Variants in NUP210L observed in about 807,000 individuals in gnomAD.
The protein encoded by NUP210L is nucleoporin 210 like.
NUP210L carries 74 observed loss-of-function variants against 208.5 expected under a neutral mutation model. The observed-to-expected ratio is 0.35, with a 90% CI of 0.29 to 0.43. NUP210L has a LOEUF of 0.43. Ranked by LOEUF, NUP210L falls within the 20% of genes least tolerant of loss-of-function variation. The pLI, the probability that NUP210L is intolerant of heterozygous loss-of-function variation, is 1.00. For missense variants in NUP210L, 1,843 were observed against 2,289.4 expected (o/e 0.81, Z 3.98); for synonymous variants, 780 against 816.9 (o/e 0.95, Z 0.77).
chr1:154,143,350 T>C (rs2148148010), intron 3 of NUP210L, 96 bp downstream of exon 3: 3 of 972,478 alleles, frequency 3.1e-6, no homozygotes, highest in Middle Eastern at 2.2e-4. Flanking sequence ...ACTTCTAATC[T>C]ACTTTTGCCA....
chr1:153,994,558 C>T (rs143244294), intron 38 of NUP210L, among the ~76,000 whole-genome samples: 7,079 of 151,694 alleles, frequency 0.047, 222 homozygotes, highest in Non-Finnish European at 0.074. Flanking sequence ...GTGACCCACC[C>T]GCCTTGGCCT....
intron 32 of NUP210L, among the ~76,000 whole-genome samples, chr1:154,021,851 A>G (rs1450771761): frequency 3.3e-5 from 5 of 152,214 alleles, no homozygotes; most frequent in Non-Finnish European, 4.4e-5. Context: ...ATTATCAGTA[A>G]CATTACAAAT....
intron 16 of NUP210L, among the ~76,000 whole-genome samples, chr1:154,076,102 C>CTTTTTTTT (rs60524355): frequency 8.5e-6 from 1 of 117,940 alleles, no homozygotes. Context: ...ACAAAGACTT[C>CTTTTTTTT]TTTTTTTTTT....
intron 19 of NUP210L, 60 bp downstream of exon 19, chr1:154,060,882 T>C: frequency 8.6e-7 from 1 of 1,165,720 alleles, no homozygotes; most frequent in Non-Finnish European, 1.3e-6. Context: ...GTTATGCTAT[T>C]AATTTTAATA....
At chr1:154,103,018 A>G (rs1656548052) in intron 13 of NUP210L, among the ~76,000 whole-genome samples, 2 of 151,824 alleles carry the variant, frequency 1.3e-5, no homozygotes, top group African/African-American at 2.4e-5. Context: ...CAAGGTTACA[A>G]TGTTCTATGA....
chr1:154,104,157 C>T (rs374898154), exon 13 of NUP210L: 42 of 1,613,854 alleles, frequency 2.6e-5, no homozygotes, highest in Non-Finnish European at 3.3e-5. Context: ...GGCCAATCTC[C>T]ACATCAGCAT....
At chr1:154,065,428 A>C (rs572565466) in intron 17 of NUP210L, among the ~76,000 whole-genome samples, 20 of 152,332 alleles carry the variant, frequency 1.3e-4, no homozygotes, top group Non-Finnish European at 1.5e-5. Context: ...CTCTAAAGAA[A>C]AAGAAATATA....
At chr1:154,016,733 C>G (rs1317780165) in intron 33 of NUP210L, among the ~76,000 whole-genome samples, 2 of 152,142 alleles carry the variant, frequency 1.3e-5, no homozygotes, top group African/African-American at 4.8e-5. Context: ...CACTTGGGCT[C>G]AGGAGTTCGA....
In NUP210L at chr1:154,012,498, C is replaced by T. The variant is rs1418186521; in HGVS notation, c.4654-128G>A. ...CACAAGTACAGATTCCATCTCATGA[C>T]CACATATTTGAGAACAACAAAATCT... On this transcript the variant is annotated intron_variant, in intron 33 of 39. Transcript: ENST00000368559. 10 of 838,172 alleles carry T rather than the reference C, an allele frequency of 1.2e-5. No homozygotes were observed. In the East Asian group the frequency reaches 2.3e-4, roughly 20 times the overall value. 51.9% of individuals were successfully genotyped at this position (838,172 alleles called of 1,614,324 possible).
chr1:154,086,033 G>A lies in NUP210L; in HGVS notation c.2361+3388C>T, dbSNP rs199762265. ...TTGAGACCAGCCTGGCCAATATGGT[G>A]AAACCCTGTCTCTACTAAAAATACA... On this transcript the variant is annotated intron_variant, in intron 16 of 39. Transcript: ENST00000368559. Among the ~76,000 whole-genome samples, 47 of 152,080 alleles carry A rather than the reference G, an allele frequency of 3.1e-4. 4 individuals are homozygous for A. The highest frequency in any genetic ancestry group is 2.3e-3 in the East Asian group (12 of 5,170).
chr1:154,103,318 C>T (rs1384529037), intron 13 of NUP210L, among the ~76,000 whole-genome samples: 3 of 151,570 alleles, frequency 2.0e-5, no homozygotes, highest in Non-Finnish European at 4.4e-5. Flanking sequence ...TGCTTGAACC[C>T]GGGAGGTGGA....
chr1:154,069,561 AG>A (rs1256046296), intron 17 of NUP210L, among the ~76,000 whole-genome samples: 2 of 152,332 alleles, frequency 1.3e-5, no homozygotes, highest in Non-Finnish European at 2.9e-5. Flanking sequence ...GATGCTGGAG[AG>A]GATGTGGAGA....
intron 22 of NUP210L, 85 bp from the exon 23 acceptor site, chr1:154,057,032 G>A: frequency 7.4e-7 from 1 of 1,354,564 alleles, no homozygotes; most frequent in Non-Finnish European, 1.0e-6. Context: ...AGGCTGGAGT[G>A]CAGTGGCATG....
At chr1:154,055,171 CTTT>C (rs1653782060) in intron 23 of NUP210L, among the ~76,000 whole-genome samples, 3 of 116,386 alleles carry the variant, frequency 2.6e-5, no homozygotes, top group Non-Finnish European at 3.7e-5. Flanking sequence ...TTCTTTCTTT[CTTT>C]CTTTCTTTCT....
At chr1:154,125,735 AAGGGAGGGAGG>A (rs1657902942) in intron 10 of NUP210L, among the ~76,000 whole-genome samples, 1 of 11,732 alleles carries the variant, frequency 8.5e-5, no homozygotes, top group African/African-American at 1.6e-4. Flanking sequence ...GGAAGGAAGG[AAGGGAGGGAGG>A]GAAATGTTTT....
At chr1:154,042,954 CA>C (rs2147965581) in intron 27 of NUP210L, among the ~76,000 whole-genome samples, 1 of 148,330 alleles carries the variant, frequency 6.7e-6, no homozygotes, top group South Asian at 2.1e-4. Flanking sequence ...TCAAGTGACG[CA>C]CCCACCTTGG....
In NUP210L at chr1:153,997,912, G is replaced by T. The variant is rs12404912; in HGVS notation, c.5387-2732C>A. On this transcript the variant is annotated intron_variant, in intron 37 of 39. Transcript: ENST00000368559. ...TTTAGTAGAGACGGGGTTTCACCAT[G>T]TTGGCCAGGCTGGTCTCAAACTCCT... Among the ~76,000 whole-genome samples the T allele has an allele frequency of 5.7e-3, 867 of 151,816 alleles. 32 individuals are homozygous for T. The highest frequency in any genetic ancestry group is 0.052 in the Admixed American group (787 of 15,194).
intron 16 of NUP210L, among the ~76,000 whole-genome samples, chr1:154,073,832 A>C (rs2148017956): frequency 6.6e-6 from 1 of 150,586 alleles, no homozygotes; most frequent in Admixed American, 6.6e-5. Context: ...AAATAAATAA[A>C]TAAATAAATA....
intron 27 of NUP210L, among the ~76,000 whole-genome samples, chr1:154,039,191 G>A (rs1049208286): frequency 1.3e-5 from 2 of 150,856 alleles, no homozygotes; most frequent in African/African-American, 2.4e-5. Flanking sequence ...TGTAGGACAG[G>A]TCTGGTATTG....
Sources: gnomAD v4.1 joint callset for allele counts (sites outside exome capture counted in the v4.1 genomes callset) on GRCh38, gnomAD v4.1.1 for gene constraint, MANE v1.5 for transcripts, NCBI Gene and HGNC (gene_info 2026-07-23, HGNC 2026-07-21) for gene names.